The following MICAL3 variants were observed in gnomAD, a reference collection of about 807,000 sequenced individuals.
The protein encoded by MICAL3 is [F-actin]-monooxygenase MICAL3.
Under a neutral mutation model 207.4 loss-of-function variants are expected in MICAL3, and 62 were observed. That is an observed-to-expected ratio of 0.30 (90% CI 0.24 to 0.37). The LOEUF (loss-of-function observed/expected upper bound fraction) is 0.37, where lower values mean the gene tolerates loss of function less well. Ranked by LOEUF, MICAL3 falls within the 10% of genes least tolerant of loss-of-function variation. The pLI, the probability that MICAL3 is intolerant of heterozygous loss-of-function variation, is 1.00. For synonymous variants in MICAL3, 1,077 were observed against 1,069.3 expected, an observed-to-expected ratio of 1.01 and a Z score of -0.14; for missense variants, 2,368 against 2,635.6, an observed-to-expected ratio of 0.90 and a Z score of 2.22.
intron 1 of MICAL3, among the ~76,000 whole-genome samples, chr22:17,996,203 G>A (rs1250041325): frequency 6.6e-6 from 1 of 151,316 alleles, no homozygotes; most frequent in Non-Finnish European, 1.5e-5. Flanking sequence ...ACTTTGGGAG[G>A]CCGAGGCCAG....
At chr22:17,865,799 GGC>G in intron 18 of MICAL3, 123 bp downstream of exon 18, 2 of 745,704 alleles carry the variant, frequency 2.7e-6, no homozygotes, top group South Asian at 3.0e-5. Flanking sequence ...CTGCATTTCG[GGC>G]CCTCCCCGTT....
At chr22:17,830,191 G>T (rs1259964336) in intron 21 of MICAL3, among the ~76,000 whole-genome samples, 2 of 152,122 alleles carry the variant, frequency 1.3e-5, no homozygotes, top group African/African-American at 4.8e-5. Context: ...CACAGCATCA[G>T]GAATCCCACA....
intron 1 of MICAL3, among the ~76,000 whole-genome samples, chr22:17,978,101 T>G (rs1270946701): frequency 1.3e-5 from 2 of 152,148 alleles, no homozygotes; most frequent in African/African-American, 4.8e-5. Flanking sequence ...TGACTATTCA[T>G]AGCAATATTC....
chr22:18,002,619 T>C (rs754444137), intron 1 of MICAL3, among the ~76,000 whole-genome samples: 12 of 150,818 alleles, frequency 8.0e-5, no homozygotes, highest in Non-Finnish European at 1.6e-4. Flanking sequence ...GACAACAGAG[T>C]GAGCCTCTGT....
chr22:17,885,840 G>C, intron 16 of MICAL3, 38 bp downstream of exon 16: 1 of 1,603,726 alleles, frequency 6.2e-7, no homozygotes, highest in Middle Eastern at 1.7e-4. Flanking sequence ...TGTGTGATCT[G>C]ACCAAATCGG....
intron 1 of MICAL3, among the ~76,000 whole-genome samples, chr22:18,014,870 G>T (rs1262140895): frequency 6.6e-6 from 1 of 152,050 alleles, no homozygotes; most frequent in African/African-American, 2.4e-5. Flanking sequence ...GCGGGTGCCT[G>T]TAGCCCCAGC....
chr22:17,881,296 T>A (rs1357186315), intron 16 of MICAL3: 2 of 1,605,248 alleles, frequency 1.2e-6, no homozygotes, highest in East Asian at 2.2e-5. Context: ...ACACTCCTTT[T>A]CCCGTTGCTT....
rs1197022326 is a variant in MICAL3, at chr22:17,796,132, C to G, written c.5651-4831G>C. On this transcript the variant is annotated intron_variant, in intron 29 of 31. Transcript: ENST00000441493. The surrounding 1 kb of genome is among the most constrained non-coding windows in gnomAD (Gnocchi z 4.4). ...CTGGGCGCTGGCCACCCCTCCTGAGCTCCCGAGCAGTGAGCGGGTCCTGGT... is the reference window on the plus strand; with the variant it reads ...CTGGGCGCTGGCCACCCCTCCTGAGGTCCCGAGCAGTGAGCGGGTCCTGGT... Among the ~76,000 whole-genome samples, 1 of 152,222 alleles carries G rather than the reference C, an allele frequency of 6.6e-6. No individual in the cohort carries two copies. Among genetic ancestry groups the G allele is most frequent in the Non-Finnish European group, 1.5e-5 (1 of 68,034 alleles).
At chr22:17,980,892 A>G (rs776438163) in intron 1 of MICAL3, 1 of 532,974 alleles carries the variant, frequency 1.9e-6, no homozygotes, top group Non-Finnish European at 3.9e-6. Context: ...ACTAAGTGCC[A>G]GGTCCTGCAC....
At chr22:17,819,964 A>T (rs1921379043) in intron 25 of MICAL3, among the ~76,000 whole-genome samples, 1 of 146,298 alleles carries the variant, frequency 6.8e-6, no homozygotes, top group Non-Finnish European at 1.5e-5. Flanking sequence ...AAAAAAAAAA[A>T]AAAAAATCCA....
At position 17,871,991 on chromosome 22, in the gene MICAL3, C is replaced by A; in HGVS notation, c.2274G>T (p.Leu758=). The stretch of plus-strand genomic sequence containing the variant: ...AGAAGTAGCATGTGTCGCTGCCTCC[C>A]AGGTTCTGCGGGAACTCCTTCTTCA... ...GSMKKEFPQN[L]GGSDTCYFCQ... is the part of the protein sequence containing the mutation. The change falls in exon 17 of 32, where the codon CTG becomes CTT. Residue 758 remains leucine (L), a synonymous_variant. Coordinates refer to ENST00000441493, the MANE Select transcript of MICAL3 (RefSeq NM_015241.3). 6.2e-7 allele frequency: 1 copy of A among 1,609,688 alleles called. No individual in the cohort carries two copies. The highest frequency in any genetic ancestry group is 8.5e-7 in the Non-Finnish European group (1 of 1,178,300).
At position 17,796,136 on chromosome 22, in the gene MICAL3, C is replaced by G. The variant is rs1430457713; in HGVS notation, c.5651-4835G>C. Among the ~76,000 whole-genome samples the G allele has an allele frequency of 6.6e-6, 1 of 152,204 alleles. No homozygotes were observed. Among genetic ancestry groups the G allele is most frequent in the Non-Finnish European group, 1.5e-5 (1 of 68,036 alleles). On this transcript the variant is annotated intron_variant, in intron 29 of 31. Coordinates refer to ENST00000441493, the MANE Select transcript of MICAL3 (RefSeq NM_015241.3). The surrounding 1 kb of genome is among the most constrained non-coding windows in gnomAD (Gnocchi z 4.4). ...GCGCTGGCCACCCCTCCTGAGCTCC[C>G]GAGCAGTGAGCGGGTCCTGGTCAGA... is the stretch of plus-strand genomic sequence containing the variant.
chr22:17,835,181 G>A (rs1923235072), intron 20 of MICAL3, among the ~76,000 whole-genome samples: 1 of 151,814 alleles, frequency 6.6e-6, no homozygotes, highest in African/African-American at 2.4e-5. Context: ...CAAGGACCAC[G>A]GGAGCACAGA....
intron 29 of MICAL3, among the ~76,000 whole-genome samples, chr22:17,801,654 G>C (rs375603): frequency 0.23 from 35,349 of 151,510 alleles, 4,559 homozygotes; most frequent in Non-Finnish European, 0.28. Context: ...AGCACTTTGG[G>C]AGGCTGAGGC....
In MICAL3 at chr22:17,791,320, TGTC is replaced by T; in HGVS notation, c.5651-22_5651-20del. The stretch of plus-strand genomic sequence containing the variant: ...CCCATGCCTGCCGAGAGAACGCTTG[TGTC>T]GGGTGCAGGGAGTGCCGCGCCCACC... On this transcript the variant is annotated intron_variant, in intron 29 of 31. Coordinates refer to ENST00000441493, the MANE Select transcript of MICAL3 (RefSeq NM_015241.3). The T allele has an allele frequency of 6.2e-7, 1 of 1,606,018 alleles. No homozygotes were observed. The highest frequency in any genetic ancestry group is 1.1e-5 in the South Asian group (1 of 90,124).
intron 1 of MICAL3, among the ~76,000 whole-genome samples, chr22:17,940,589 T>C (rs1420201183): frequency 1.3e-5 from 2 of 151,884 alleles, no homozygotes; most frequent in South Asian, 2.1e-4. Flanking sequence ...TATGACAACT[T>C]TGACAGTAAA....
chr22:17,848,900 T>C (rs1313571482), intron 19 of MICAL3, among the ~76,000 whole-genome samples: 1 of 152,242 alleles, frequency 6.6e-6, no homozygotes, highest in East Asian at 1.9e-4. Flanking sequence ...CACATTTTTA[T>C]ACCGTTGACA....
At chr22:17,976,870 G>C (rs1846354511) in intron 1 of MICAL3, among the ~76,000 whole-genome samples, 1 of 149,548 alleles carries the variant, frequency 6.7e-6, no homozygotes, top group African/African-American at 2.5e-5. Context: ...GCAGTGGCGT[G>C]ATCTCGGCTC....
intron 29 of MICAL3, among the ~76,000 whole-genome samples, chr22:17,801,178 A>G (rs1601927317): frequency 5.4e-5 from 2 of 36,856 alleles, no homozygotes; most frequent in African/African-American, 4.6e-4. Context: ...TTTGAGACGG[A>G]GTCTCGCTCT....
Sources: gnomAD v4.1 joint callset for allele counts (sites outside exome capture counted in the v4.1 genomes callset) on GRCh38, gnomAD v4.1.1 for gene constraint, Gnocchi (gnomAD v3.1) non-coding constraint, MANE v1.5 for transcripts, NCBI Gene and HGNC (gene_info 2026-07-23, HGNC 2026-07-21) for gene names.